The following COPS3 variants were observed in gnomAD, a reference collection of about 807,000 sequenced individuals.
COPS3 encodes COP9 signalosome subunit 3, also known as COP9 signalosome complex subunit 3.
In COPS3, 10 loss-of-function variants were observed where a neutral mutation model predicts 58.2. The ratio of observed to expected loss-of-function variants is 0.17; its 90% CI spans 0.11 to 0.29. COPS3 has a LOEUF of 0.29. Among genes scored for constraint, COPS3 ranks in the 10% least tolerant of loss-of-function variants. COPS3 has a pLI of 1.00. For synonymous variants in COPS3, 187 were observed against 181.7 expected (o/e 1.03, Z -0.24); for missense variants, 333 against 510.1 (o/e 0.65, Z 3.34).
At chr17:17,271,069 AATGT>A in intron 2 of COPS3, 61 bp from the exon 3 acceptor site, 1 of 1,155,538 alleles carries the variant, frequency 8.7e-7, no homozygotes, top group South Asian at 1.3e-5. Context: ...ATACAGAAAC[AATGT>A]ATGCAAGAAA....
chr17:17,247,365 TG>T, intron 11 of COPS3, 114 bp downstream of exon 11: 2 of 1,050,496 alleles, frequency 1.9e-6, no homozygotes, highest in Non-Finnish European at 2.9e-6. Flanking sequence ...ATGACCGTAC[TG>T]GTAAGGTTTT....
intron 6 of COPS3, among the ~76,000 whole-genome samples, chr17:17,263,592 C>A (rs542254014): frequency 3.9e-4 from 56 of 144,698 alleles, no homozygotes; most frequent in Non-Finnish European, 6.6e-4. Context: ...CGGCTCACTG[C>A]AACCTCCGCC....
chr17:17,256,110 T>C (rs1708625), intron 8 of COPS3, among the ~76,000 whole-genome samples: 102,457 of 150,204 alleles, frequency 0.68, 35,069 homozygotes, highest in East Asian at 0.85. Flanking sequence ...ACCCAGGAGG[T>C]GGAGCTTGTT....
In COPS3 at chr17:17,247,143, G is replaced by A. The variant is rs146124168; in HGVS notation, c.1227C>T (p.Gly409=). The A allele has an allele frequency of 1.5e-5, 24 of 1,613,568 alleles. No individual in the cohort carries two copies. The African/African-American group carries it at 2.5e-4, about 17-fold the overall frequency. ...VNPQFVQKSM[G]SQEDDSGNKP... ...TGTTTCCTGAATCATCTTCTTGTGAGCCCATACTCTGTAAAGGTAAAGTGA... is the reference window on the plus strand; with the variant it reads ...TGTTTCCTGAATCATCTTCTTGTGAACCCATACTCTGTAAAGGTAAAGTGA... The change falls in exon 12 of 12, where the codon GGC becomes GGT. Residue 409 remains glycine, a synonymous_variant. Coordinates refer to ENST00000268717, the MANE Select transcript of COPS3 (RefSeq NM_003653.4).
At chr17:17,274,888 T>C (rs1379484499) in intron 2 of COPS3, among the ~76,000 whole-genome samples, 2 of 152,128 alleles carry the variant, frequency 1.3e-5, no homozygotes, top group East Asian at 1.9e-4. Flanking sequence ...CTGAGTTACT[T>C]GGGAAGGATC....
At chr17:17,280,651 G>A in intron 1 of COPS3, 1 of 1,305,164 alleles carries the variant, frequency 7.7e-7, no homozygotes, top group East Asian at 5.5e-5. Flanking sequence ...TGGCAGCGGA[G>A]GAGCTGGCAG....
At chr17:17,255,038 A>C in intron 8 of COPS3, 93 bp from the exon 9 acceptor site, 3 of 790,182 alleles carry the variant, frequency 3.8e-6, no homozygotes, top group Non-Finnish European at 6.4e-6. Flanking sequence ...GTGGTGGCTC[A>C]TGTCTGTAAT....
At position 17,270,825 on chromosome 17, in the gene COPS3, A is replaced by G. The variant is rs771462262; in HGVS notation, c.299-18T>C. The G allele has an allele frequency of 1.2e-6, 2 of 1,600,400 alleles. No individual in the cohort carries two copies. Among genetic ancestry groups the G allele is most frequent in the African/African-American group, 2.7e-5 (2 of 73,802 alleles). ...CCCAGCAACTAGATACAATAACAAA[A>G]TATTCAAAATATAAATATAACCACA... On this transcript the variant is annotated intron_variant, in intron 3 of 11. Coordinates refer to ENST00000268717, the MANE Select transcript of COPS3 (RefSeq NM_003653.4).
At chr17:17,248,505 C>T (rs932226574) in intron 10 of COPS3, among the ~76,000 whole-genome samples, 7 of 151,904 alleles carry the variant, frequency 4.6e-5, no homozygotes, top group African/African-American at 7.3e-5. Context: ...TTAGTAGAGA[C>T]GGGGTTTTGC....
chr17:17,262,224 T>TA, intron 6 of COPS3, 118 bp from the exon 7 acceptor site: 1 of 926,394 alleles, frequency 1.1e-6, no homozygotes, highest in Non-Finnish European at 1.6e-6. Context: ...CCCATTATTT[T>TA]TATAACAGCC....
intron 7 of COPS3, 166 bp from the exon 8 acceptor site, chr17:17,260,640 C>T (rs2145213093): frequency 3.6e-6 from 2 of 553,808 alleles, no homozygotes; most frequent in East Asian, 3.1e-5. Flanking sequence ...CCCGTCTCTA[C>T]TAAAAATACA....
chr17:17,273,881 G>A (rs1231016089), intron 2 of COPS3, among the ~76,000 whole-genome samples: 3 of 152,130 alleles, frequency 2.0e-5, no homozygotes, highest in Non-Finnish European at 4.4e-5. Context: ...GCTGAGTGTG[G>A]TGGCACATGC....
At chr17:17,280,961 C>A (rs1452709291) in intron 1 of COPS3, among the ~76,000 whole-genome samples, 171 bp downstream of exon 1, 1 of 152,162 alleles carries the variant, frequency 6.6e-6, no homozygotes, top group Non-Finnish European at 1.5e-5. Flanking sequence ...GGGCTGCCTA[C>A]ACTCGGCCGC....
chr17:17,257,593 C>T (rs1366012374), intron 8 of COPS3, among the ~76,000 whole-genome samples: 10 of 150,774 alleles, frequency 6.6e-5, no homozygotes, highest in Non-Finnish European at 1.3e-4. Context: ...GTCAGGAGAT[C>T]GAGACCATCC....
In COPS3 at chr17:17,280,693, G is replaced by T. The variant is rs570400250; in HGVS notation, c.55+439C>A. The T allele has an allele frequency of 3.8e-5, 49 of 1,275,678 alleles. 1 individual carries two copies. Among genetic ancestry groups the T allele is most frequent in the South Asian group, 3.4e-4 (27 of 78,308 alleles). The allele number at this position is 1,275,678 out of a possible 1,614,324, so 79.0% of individuals were successfully genotyped here. A position where few individuals can be genotyped will look rare whatever the true frequency, so the allele number is the denominator to read the frequency against. On this transcript the variant is annotated intron_variant, in intron 1 of 11. Transcript: ENST00000268717. ...GCCATAGAGCCAAGACACCCAGAAC[G>T]GACTCGCCTCCCGCCCGCTCCCGGC...
At chr17:17,279,909 C>G (rs766055224) in intron 1 of COPS3, among the ~76,000 whole-genome samples, 2 of 152,142 alleles carry the variant, frequency 1.3e-5, no homozygotes, top group Non-Finnish European at 2.9e-5. Flanking sequence ...TACATTCATA[C>G]GCAATGAATG....
intron 9 of COPS3, among the ~76,000 whole-genome samples, chr17:17,249,313 C>A (rs953598411): frequency 6.6e-6 from 1 of 151,624 alleles, no homozygotes; most frequent in African/African-American, 2.4e-5. Flanking sequence ...ACATAATTAA[C>A]CATTTTATTT....
At chr17:17,276,760 G>A (rs1001755647) in intron 1 of COPS3, among the ~76,000 whole-genome samples, 14 of 151,848 alleles carry the variant, frequency 9.2e-5, no homozygotes, top group East Asian at 1.9e-4. Context: ...TAGTAGAGAC[G>A]GGGGTTTCAC....
Position 17,262,028 on chromosome 17 carries a change from A to G in COPS3, c.700T>C (p.Leu234=), listed in dbSNP as rs765139424. The change falls in exon 7 of 12, where the codon TTA becomes CTA. Residue 234 remains leucine, a synonymous_variant. Transcript: ENST00000268717. ...GGTAGCTGTTGTACTTTGCCAAGTA[A>G]TATCAAAGACACTAAAATATACTTT... The part of the protein sequence containing the change: ...YKKYILVSLI[L]LGKVQQLPKY... 12 of 1,608,070 alleles carry G rather than the reference A, an allele frequency of 7.5e-6. No homozygotes were observed. The Admixed American group carries it at 1.0e-4, about 14-fold the overall frequency.
Sources: allele counts gnomAD v4.1 joint callset (sites outside exome capture counted in the v4.1 genomes callset), GRCh38; gene constraint gnomAD v4.1.1; transcripts MANE v1.5; gene names NCBI Gene and HGNC (gene_info 2026-07-23, HGNC 2026-07-21).